The following ASPM variants were observed in gnomAD, a reference collection of about 807,000 sequenced individuals.
The protein encoded by ASPM is assembly factor for spindle microtubules, also known as abnormal spindle-like microcephaly-associated protein.
ASPM carries 256 observed loss-of-function variants against 366.4 expected under a neutral mutation model. The ratio of observed to expected loss-of-function variants is 0.70; its 90% CI spans 0.63 to 0.77. ASPM has a LOEUF of 0.77. ASPM is among the 30% of genes least tolerant of loss of function. The probability of loss-of-function intolerance (pLI) is 0.00; values close to 1 mark genes in which losing one functional copy is unlikely to be tolerated. For synonymous variants in ASPM, 1,414 were observed against 1,342.9 expected, an observed-to-expected ratio of 1.05 and a Z score of -1.16; for missense variants, 4,146 against 4,090.4, an observed-to-expected ratio of 1.01 and a Z score of -0.37.
chr1:197,086,651 CTT>C, intron 27 of ASPM, 150 bp downstream of exon 27: 1 of 711,366 alleles, frequency 1.4e-6, no homozygotes, highest in Non-Finnish European at 2.4e-6. Flanking sequence ...ACCAAGACTG[CTT>C]CTTTTAAATT....
Position 197,093,083 on chromosome 1 carries a change from G to A in ASPM, c.9263C>T (p.Ala3088Val). The change falls in exon 21 of 28, where the codon GCA becomes GTA. Residue 3088 changes from alanine to valine, a missense_variant. Physicochemically the swap from Ala to Val is moderately conservative, Grantham distance 64 (BLOSUM62 0). Coordinates refer to ENST00000367409, the MANE Select transcript of ASPM (RefSeq NM_018136.5). ...EFKKSTVILQ[A>V]LVRGWLVRKR... Reference sequence around the variant, plus strand: ...TCGTACTAGCCAACCACGCACCAGTGCTTGTAGGATAACTGTAGATTTTTT... The same window carrying A: ...TCGTACTAGCCAACCACGCACCAGTACTTGTAGGATAACTGTAGATTTTTT... 1 of 1,611,620 alleles carries A rather than the reference G, an allele frequency of 6.2e-7. No homozygotes were observed. The highest frequency in any genetic ancestry group is 8.5e-7 in the Non-Finnish European group (1 of 1,178,370).
Position 197,094,079 on chromosome 1 carries a change from CCTA to C in ASPM, c.9084+2_9084+4del. 6.6e-7 allele frequency: 1 copy of C among 1,508,092 alleles called. No individual in the cohort carries two copies. Among genetic ancestry groups the C allele is most frequent in the East Asian group, 2.3e-5 (1 of 43,580 alleles). The allele number at this position is 1,508,092 out of a possible 1,614,324, so 93.4% of individuals were successfully genotyped here. On this transcript the variant is annotated splice_donor_variant and splice_donor_region_variant and intron_variant, in intron 20 of 27. Transcript: ENST00000367409. LOFTEE classifies it high-confidence loss of function. ...TTTGCAAGTGAATTAATTTTTAATA[CCTA>C]CTTTTATCATTAAGAAGTGTTCATG...
rs555873969 is a variant in ASPM at position 197,085,144 on chromosome 1, G to A, written c.10332-718C>T. 7.0e-4 allele frequency among the ~76,000 whole-genome samples: 107 copies of A among 152,218 alleles called. 1 individual carries two copies. The South Asian group carries it at 0.022, about 31-fold the overall frequency. On this transcript the variant is annotated intron_variant, in intron 27 of 27. Transcript: ENST00000367409. The stretch of plus-strand genomic sequence containing the variant: ...CTCTCTCCTACCAAACTAGTCTGAA[G>A]AATTCTACTTGGATTTCAAATTGAG...
intron 16 of ASPM, among the ~76,000 whole-genome samples, chr1:197,119,462 A>T (rs947301711): frequency 6.6e-6 from 1 of 152,182 alleles, no homozygotes; most frequent in Non-Finnish European, 1.5e-5. Flanking sequence ...ATTGTAACTT[A>T]TCTCAGTTTT....
rs1410434270 is a variant in ASPM, at chr1:197,100,672, T to C, written c.8579A>G (p.Lys2860Arg). Residue 2860 changes from lysine (K) to arginine (R), a missense_variant, in exon 18 of 28, where the codon AAA becomes AGA. Physicochemically the swap from Lys to Arg is conservative, Grantham distance 26. Transcript: ENST00000367409. ...AVYRRRFVQQ[K>R]RAAITLQHYF... ...ATGCTGTAAAGTGATAGCAGCTCTT[T>C]TCTGCTGAACAAATCTTCTCCGATA... 7 of 1,612,228 alleles carry C rather than the reference T, an allele frequency of 4.3e-6. No homozygotes were observed. Among genetic ancestry groups the C allele is most frequent in the Non-Finnish European group, 5.9e-6 (7 of 1,179,004 alleles).
chr1:197,132,446 A>T, intron 6 of ASPM, 94 bp from the exon 7 acceptor site: 1 of 934,906 alleles, frequency 1.1e-6, no homozygotes, highest in South Asian at 1.4e-5. Context: ...TGGGAAAAAA[A>T]TACTTGCTTA....
At chr1:197,098,284 TAG>T (rs1657044956) in intron 18 of ASPM, among the ~76,000 whole-genome samples, 1 of 151,460 alleles carries the variant, frequency 6.6e-6, no homozygotes, top group Non-Finnish European at 1.5e-5. Context: ...CGCTGCTCAT[TAG>T]AGTCACCTGG....
At chr1:197,087,446 T>A (rs938786094) in intron 26 of ASPM, among the ~76,000 whole-genome samples, 12 of 152,132 alleles carry the variant, frequency 7.9e-5, no homozygotes, top group African/African-American at 2.9e-4. Flanking sequence ...TGATTTAAAT[T>A]ACGAGCTAAT....
In ASPM at chr1:197,103,391, G is replaced by C. The variant is rs781446128; in HGVS notation, c.5860C>G (p.Leu1954Val). 3.1e-6 allele frequency: 5 copies of C among 1,613,270 alleles called. No homozygotes were observed. The Admixed American group carries it at 8.3e-5, about 27-fold the overall frequency. ...GTTTTTCCCTTCCACATAGATTGAA[G>C]CACCAGTACCGCATGACGGAGTTCA... ...YIELRHAVLV[L>V]QSMWKGKTLR... The change falls in exon 18 of 28, where the codon CTT becomes GTT. Residue 1954 changes from leucine (L) to valine (V), a missense_variant. Transcript: ENST00000367409.
intron 5 of ASPM, among the ~76,000 whole-genome samples, chr1:197,134,281 G>A (rs1377514218): frequency 1.3e-5 from 2 of 151,694 alleles, no homozygotes; most frequent in African/African-American, 2.4e-5. Flanking sequence ...GCATGGTGGC[G>A]TGCACTGGTA....
chr1:197,093,064 T>A lies in ASPM; in HGVS notation c.9282A>T (p.Leu3094=). The change falls in exon 21 of 28, where the codon CTA becomes CTT. Residue 3094 remains leucine (L), a synonymous_variant. Transcript: ENST00000367409. ...TGAAAATACTTACTCTTTTTCGTACTAGCCAACCACGCACCAGTGCTTGTA... is the reference window on the plus strand; with the variant it reads ...TGAAAATACTTACTCTTTTTCGTACAAGCCAACCACGCACCAGTGCTTGTA... ...VILQALVRGW[L]VRKRFLEQRA... The A allele has an allele frequency of 6.2e-7, 1 of 1,608,908 alleles. No homozygotes were observed. Among genetic ancestry groups the A allele is most frequent in the Non-Finnish European group, 8.5e-7 (1 of 1,176,098 alleles).
intron 4 of ASPM, chr1:197,138,790 C>T (rs1658495249): frequency 2.7e-6 from 2 of 743,472 alleles, no homozygotes; most frequent in Admixed American, 3.5e-5. Flanking sequence ...TGGTGCTCAG[C>T]TGAGTCTGCA....
intron 6 of ASPM, among the ~76,000 whole-genome samples, chr1:197,132,667 T>A (rs1338907573): frequency 2.6e-5 from 4 of 151,766 alleles, no homozygotes; most frequent in African/African-American, 7.3e-5. Context: ...ATGGAATCAA[T>A]CTAAGTGTCC....
chr1:197,100,301 T>C (rs1018886379), intron 18 of ASPM, 130 bp downstream of exon 18: 1 of 671,970 alleles, frequency 1.5e-6, no homozygotes, highest in African/African-American at 1.8e-5. Flanking sequence ...TGTTCCACTT[T>C]GGAAGATAAA....
chr1:197,144,068 C>A lies in ASPM; in HGVS notation c.330G>T (p.Trp110Cys). The A allele has an allele frequency of 6.2e-7, 1 of 1,607,482 alleles. No individual in the cohort carries two copies. The change falls in exon 2 of 28, where the codon TGG (tryptophan) becomes TGT (cysteine). Residue 110 changes from tryptophan to cysteine, a missense_variant. Around this residue, in one of 3 missense-constraint regions of ASPM, gnomAD observed 512 missense variants for 471.7 expected, o/e 1.09. Transcript: ENST00000367409. Reference protein sequence around the residue: ...PKEKIVISVNWTPLKEGRVRE... With the variant: ...PKEKIVISVNCTPLKEGRVRE... ...TTACTCGGCCTTCTTTGAGTGGTGT[C>A]CAGTTAACAGAAATAACAATTTTCT...
Position 197,132,457 on chromosome 1 carries a change from T to C in ASPM, c.2420-105A>G, listed in dbSNP as rs938708128. ...TCAGTGGGAAAAAAATACTTGCTTA[T>C]ATGAAATAAGTTAATTTAAATAAAA... On this transcript the variant is annotated intron_variant, in intron 6 of 27. Coordinates refer to ENST00000367409, the MANE Select transcript of ASPM (RefSeq NM_018136.5). 1.5e-5 allele frequency: 13 copies of C among 857,130 alleles called. No homozygotes were observed. The African/African-American group carries it at 1.5e-4, about 10-fold the overall frequency. The allele number at this position is 857,130 out of a possible 1,614,324, so 53.1% of individuals were successfully genotyped here. A position where few individuals can be genotyped will look rare whatever the true frequency, so the allele number is the denominator to read the frequency against.
chr1:197,127,482 A>T (rs1191191678), intron 10 of ASPM, among the ~76,000 whole-genome samples: 1 of 152,186 alleles, frequency 6.6e-6, no homozygotes, highest in Non-Finnish European at 1.5e-5. Context: ...TCATTGCTTT[A>T]AAGAAATCTC....
chr1:197,090,101 A>AT lies in ASPM; in HGVS notation c.9830-18_9830-17insA. Reference sequence around the variant, plus strand: ...TAACTACCTCTGAAAGAAAAAAAAAACACACACACACAGGTAAATTTACAG... The same window carrying AT: ...TAACTACCTCTGAAAGAAAAAAAAAATCACACACACACAGGTAAATTTACAG... On this transcript the variant is annotated splice_polypyrimidine_tract_variant and intron_variant, in intron 24 of 27. Transcript: ENST00000367409. The AT allele has an allele frequency of 6.2e-7, 1 of 1,607,582 alleles. No individual in the cohort carries two copies. Among genetic ancestry groups the AT allele is most frequent in the Non-Finnish European group, 8.5e-7 (1 of 1,174,982 alleles).
intron 1 of ASPM, among the ~76,000 whole-genome samples, chr1:197,144,842 C>T (rs568242738): frequency 6.6e-6 from 1 of 152,172 alleles, no homozygotes; most frequent in Admixed American, 6.5e-5. Context: ...GAGAAACAGA[C>T]AAGTTTCTGT....
Sources: allele counts gnomAD v4.1 joint callset (sites outside exome capture counted in the v4.1 genomes callset), GRCh38; gene constraint gnomAD v4.1.1; regional missense constraint gnomAD v4.1.1; transcripts MANE v1.5; gene names NCBI Gene and HGNC (gene_info 2026-07-23, HGNC 2026-07-21).